Variants in PRDM16 observed in about 807,000 individuals in gnomAD.
The protein encoded by PRDM16 is PR/SET domain 16, also known as histone-lysine N-methyltransferase PRDM16.
Under a neutral mutation model 110.6 loss-of-function variants are expected in PRDM16, and 23 were observed. The ratio of observed to expected loss-of-function variants is 0.21; its 90% CI spans 0.15 to 0.29. The LOEUF is 0.29. Among genes scored for constraint, PRDM16 ranks in the 10% least tolerant of loss-of-function variants. The pLI, the probability that PRDM16 is intolerant of heterozygous loss-of-function variation, is 1.00. For missense variants in PRDM16, 1,615 were observed against 1,794.3 expected, an observed-to-expected ratio of 0.90 and a Z score of 1.81; for synonymous variants, 799 against 781.8, an observed-to-expected ratio of 1.02 and a Z score of -0.37.
At chr1:3,409,474 T>C (rs1412870942) in intron 8 of PRDM16, among the ~76,000 whole-genome samples, 1 of 152,068 alleles carries the variant, frequency 6.6e-6, no homozygotes, top group Non-Finnish European at 1.5e-5. Flanking sequence ...TTAATATAAA[T>C]AGATATCGTG....
chr1:3,091,523 C>T (rs922698573), intron 1 of PRDM16, among the ~76,000 whole-genome samples: 18 of 152,352 alleles, frequency 1.2e-4, no homozygotes, highest in Non-Finnish European at 2.2e-4. Flanking sequence ...CTCCTCTCCA[C>T]GCCTGCCCCG....
intron 4 of PRDM16, among the ~76,000 whole-genome samples, chr1:3,387,787 T>C (rs921931494): frequency 3.3e-5 from 5 of 152,252 alleles, no homozygotes; most frequent in African/African-American, 1.2e-4. Context: ...ATGAGCATTG[T>C]GTGGAATGTA....
chr1:3,181,540 G>GGTCTTACACGCA (rs1557509553), intron 1 of PRDM16, among the ~76,000 whole-genome samples: 889 of 36,488 alleles, frequency 0.024, 290 homozygotes, highest in African/African-American at 0.092. Context: ...TCTTACACAC[G>GGTCTTACACGCA]GTCTTACACA....
intron 14 of PRDM16, among the ~76,000 whole-genome samples, chr1:3,428,929 A>G (rs748584561): frequency 3.8e-4 from 58 of 152,210 alleles, no homozygotes; most frequent in Non-Finnish European, 8.8e-5. Flanking sequence ...CGCAGGGGAG[A>G]AGGCCAAGGG....
intron 3 of PRDM16, among the ~76,000 whole-genome samples, chr1:3,362,692 A>C (rs1642738730): frequency 6.6e-6 from 1 of 152,194 alleles, no homozygotes; most frequent in Admixed American, 6.5e-5. Context: ...AGCAGGAAGA[A>C]TCTTCTGGAA....
chr1:3,123,481 AG>A lies in PRDM16; in HGVS notation c.37+54190del, dbSNP rs575557053. On this transcript the variant is annotated intron_variant, in intron 1 of 16. Coordinates refer to ENST00000270722, the MANE Select transcript of PRDM16 (RefSeq NM_022114.4). ...GTGGAGCCTGCGGCCTTCCTGGAGG[AG>A]GGGGCAGCCATTCGGCTACATAAAC... Among the ~76,000 whole-genome samples the A allele has an allele frequency of 9.2e-5, 14 of 152,230 alleles. No individual in the cohort carries two copies. The East Asian group carries it at 2.3e-3, about 25-fold the overall frequency.
chr1:3,351,529 T>TCC (rs764834867), intron 3 of PRDM16, among the ~76,000 whole-genome samples: 1 of 8,218 alleles, frequency 1.2e-4, no homozygotes, highest in Non-Finnish European at 3.2e-4. Flanking sequence ...AACCCGTCTC[T>TCC]GTCCCCCTCC....
chr1:3,367,558 C>T (rs921472534), intron 3 of PRDM16, among the ~76,000 whole-genome samples: 24 of 152,192 alleles, frequency 1.6e-4, no homozygotes, highest in Non-Finnish European at 3.2e-4. Flanking sequence ...TGACAGCTGC[C>T]GGCCCAACAG....
chr1:3,238,056 G>A (rs1190711874), intron 2 of PRDM16: 1 of 152,470 alleles, frequency 6.6e-6, no homozygotes, highest in East Asian at 1.9e-4. Flanking sequence ...TGGAAGCAGA[G>A]CGGCCTGGCT....
chr1:3,320,251 C>T (rs988136551), intron 3 of PRDM16, among the ~76,000 whole-genome samples: 2 of 152,242 alleles, frequency 1.3e-5, no homozygotes, highest in East Asian at 1.9e-4. Flanking sequence ...GGACCAAACC[C>T]TACAGGTTCC....
In PRDM16 at chr1:3,412,048, G is replaced by A. The variant is rs750338675; in HGVS notation, c.1851G>A (p.Thr617=). The change falls in exon 9 of 17, where the codon ACG becomes ACA. Residue 617 remains threonine, a synonymous_variant. Transcript: ENST00000270722. Reference sequence around the variant, plus strand: ...CCACCACGGGGACCGACCTGGACACGACCACGGGGACGGGCTCGGACCTGG... The same window carrying A: ...CCACCACGGGGACCGACCTGGACACAACCACGGGGACGGGCTCGGACCTGG... ...VNTTTGTDLD[T]TTGTGSDLDS... is the part of the protein sequence containing the mutation. 5 of 1,610,840 alleles carry A rather than the reference G, an allele frequency of 3.1e-6. No individual in the cohort carries two copies. The highest frequency in any genetic ancestry group is 3.3e-5 in the Admixed American group (2 of 59,922).
intron 1 of PRDM16, among the ~76,000 whole-genome samples, chr1:3,126,461 G>A (rs1329549316): frequency 1.1e-4 from 17 of 152,204 alleles, no homozygotes; most frequent in Admixed American, 9.2e-4. Context: ...GCAGCACCTG[G>A]GGTCCAGACA....
At chr1:3,216,545 G>T (rs577635460) in intron 2 of PRDM16, among the ~76,000 whole-genome samples, 1 of 152,318 alleles carries the variant, frequency 6.6e-6, no homozygotes, top group South Asian at 2.1e-4. Flanking sequence ...GCTGTCCCCC[G>T]CCGAACCAGG....
intron 1 of PRDM16, among the ~76,000 whole-genome samples, chr1:3,181,854 A>G (rs913839155): frequency 0.048 from 4,599 of 96,454 alleles, 168 homozygotes; most frequent in Admixed American, 0.071. Flanking sequence ...ACACGGTCTT[A>G]CACACGCAGT....
chr1:3,394,494 G>A, intron 4 of PRDM16: 1 of 434,272 alleles, frequency 2.3e-6, no homozygotes, highest in Non-Finnish European at 4.6e-6. Flanking sequence ...AGAGGGAGGT[G>A]GTGGGTGGGG....
rs984540990 is a variant in PRDM16 at position 3,148,759 on chromosome 1, A to T, written c.38-37366A>T. ...CTGCCTGGGACCATGGGGGGACCAC[A>T]ATATCTCTCTAAAATCCCCAAATCC... On this transcript the variant is annotated intron_variant, in intron 1 of 16. Transcript: ENST00000270722. This position sits in a 1 kb window ranked among gnomAD's most constrained non-coding sequence, Gnocchi z 5.0. Among the ~76,000 whole-genome samples the T allele has an allele frequency of 3.3e-5, 5 of 152,246 alleles. No individual in the cohort carries two copies. Among genetic ancestry groups the T allele is most frequent in the African/African-American group, 1.2e-4 (5 of 41,460 alleles).
At chr1:3,408,285 C>G (rs1232402747) in intron 8 of PRDM16, among the ~76,000 whole-genome samples, 1 of 152,194 alleles carries the variant, frequency 6.6e-6, no homozygotes, top group East Asian at 1.9e-4. Flanking sequence ...CTGGTGGTGT[C>G]TTTCCCACCA....
At chr1:3,403,536 G>T (rs1643509956) in intron 6 of PRDM16, among the ~76,000 whole-genome samples, 1 of 152,220 alleles carries the variant, frequency 6.6e-6, no homozygotes, top group East Asian at 1.9e-4. Flanking sequence ...CACCAGCCCT[G>T]CTCCCCACCA....
intron 3 of PRDM16, among the ~76,000 whole-genome samples, chr1:3,256,487 G>C (rs6699624): frequency 0.41 from 62,746 of 152,034 alleles, 15,593 homozygotes; most frequent in East Asian, 0.59. Flanking sequence ...GGAATTGCGG[G>C]GAGACAGGGA....
Sources: gnomAD v4.1 joint callset for allele counts (sites outside exome capture counted in the v4.1 genomes callset) on GRCh38, gnomAD v4.1.1 for gene constraint, Gnocchi (gnomAD v3.1) non-coding constraint, MANE v1.5 for transcripts, NCBI Gene and HGNC (gene_info 2026-07-23, HGNC 2026-07-21) for gene names.